The following PCDH9 variants were observed in gnomAD, a reference collection of about 807,000 sequenced individuals.
PCDH9 encodes the protein protocadherin-9.
A neutral mutation model predicts 70.6 loss-of-function variants in PCDH9; 24 were observed. The observed-to-expected ratio is 0.34, with a 90% CI of 0.25 to 0.48. PCDH9 has a LOEUF of 0.48. Ranked by LOEUF, PCDH9 falls within the 20% of genes least tolerant of loss-of-function variation. The probability of loss-of-function intolerance (pLI) is 0.99; values close to 1 mark genes in which losing one functional copy is unlikely to be tolerated. For synonymous variants in PCDH9, 562 were observed against 558.5 expected (o/e 1.01, Z -0.09); for missense variants, 1,281 against 1,503.6 (o/e 0.85, Z 2.45).
intron 4 of PCDH9, among the ~76,000 whole-genome samples, chr13:66,550,120 T>G (rs1961414227): frequency 6.6e-6 from 1 of 152,098 alleles, no homozygotes; most frequent in Non-Finnish European, 1.5e-5. Flanking sequence ...ACAGATAACT[T>G]TAACTCTTTA....
chr13:66,593,149 A>AT (rs777931364), intron 4 of PCDH9, among the ~76,000 whole-genome samples: 9 of 151,792 alleles, frequency 5.9e-5, no homozygotes, highest in Non-Finnish European at 1.0e-4. Context: ...TTCATGGTAC[A>AT]TTTTTGGTAT....
intron 4 of PCDH9, among the ~76,000 whole-genome samples, chr13:66,435,610 T>C (rs1957854322): frequency 6.6e-6 from 1 of 152,190 alleles, no homozygotes; most frequent in South Asian, 2.1e-4. Flanking sequence ...TTTAATATTA[T>C]ACAGCAAAGC....
At chr13:67,066,599 G>A in intron 2 of PCDH9, among the ~76,000 whole-genome samples, 1 of 152,110 alleles carries the variant, frequency 6.6e-6, no homozygotes, top group Admixed American at 6.6e-5. Flanking sequence ...GCCAGATATG[G>A]AGAAACCTTC....
intron 4 of PCDH9, among the ~76,000 whole-genome samples, chr13:66,556,469 A>G (rs1413041272): frequency 3.3e-5 from 5 of 152,192 alleles, no homozygotes; most frequent in Non-Finnish European, 7.3e-5. Context: ...TGAAAATGAT[A>G]TATCACATTC....
chr13:66,848,860 G>A (rs1167538974), intron 3 of PCDH9, among the ~76,000 whole-genome samples: 3 of 150,190 alleles, frequency 2.0e-5, no homozygotes, highest in Admixed American at 6.6e-5. Flanking sequence ...CCCCGGAGGC[G>A]GAGCTTGCAG....
chr13:67,048,687 G>A (rs539523393), intron 2 of PCDH9, among the ~76,000 whole-genome samples: 1 of 152,230 alleles, frequency 6.6e-6, no homozygotes, highest in African/African-American at 2.4e-5. Flanking sequence ...AAGCTATTTG[G>A]CTTTAATTAA....
intron 3 of PCDH9, among the ~76,000 whole-genome samples, chr13:66,769,329 C>T (rs763121346): frequency 6.6e-6 from 1 of 152,152 alleles, no homozygotes; most frequent in Non-Finnish European, 1.5e-5. Flanking sequence ...AGTTTGATTA[C>T]ACCCATCATA....
Position 66,613,816 on chromosome 13 carries a change from G to A in PCDH9, c.3340+17394C>T, listed in dbSNP as rs905819566. On this transcript the variant is annotated intron_variant, in intron 4 of 4. Transcript: ENST00000377865. ...CACTGGGATCAAATACTTTTTTTAA[G>A]GGAAGGTAAAAGCTGTGGTATCTTT... Among the ~76,000 whole-genome samples the A allele has an allele frequency of 5.3e-5, 8 of 152,148 alleles. 1 individual carries two copies. Among genetic ancestry groups the A allele is most frequent in the Admixed American group, 1.3e-4 (2 of 15,270 alleles).
At chr13:66,757,152 T>A (rs966782345) in intron 3 of PCDH9, among the ~76,000 whole-genome samples, 1 of 152,138 alleles carries the variant, frequency 6.6e-6, no homozygotes, top group Non-Finnish European at 1.5e-5. Context: ...TGTGGTTGAT[T>A]TCTGAGCCAA....
intron 4 of PCDH9, among the ~76,000 whole-genome samples, chr13:66,503,730 C>T: frequency 6.6e-6 from 1 of 152,124 alleles, no homozygotes; most frequent in East Asian, 1.9e-4. Flanking sequence ...GCTTTTAGTT[C>T]AATGGCTGAT....
At chr13:67,118,914 G>T (rs8001394) in intron 2 of PCDH9, among the ~76,000 whole-genome samples, 9,894 of 152,078 alleles carry the variant, frequency 0.065, 353 homozygotes, top group African/African-American at 0.084. Context: ...TAGTTTATTT[G>T]CTCAGAAAAA....
At chr13:66,607,526 C>T (rs897395717) in intron 4 of PCDH9, among the ~76,000 whole-genome samples, 9 of 151,964 alleles carry the variant, frequency 5.9e-5, no homozygotes, top group Admixed American at 4.6e-4. Context: ...CCTTCTAGGG[C>T]AAAAATTACT....
intron 2 of PCDH9, among the ~76,000 whole-genome samples, chr13:67,087,087 TAAAAAAA>T (rs36017495): frequency 8.9e-5 from 11 of 123,764 alleles, no homozygotes; most frequent in Admixed American, 2.6e-4. Context: ...TGATGTTTTG[TAAAAAAA>T]AAAAAAAAAA....
chr13:67,068,927 G>GT (rs2138148262), intron 2 of PCDH9, among the ~76,000 whole-genome samples: 1 of 152,260 alleles, frequency 6.6e-6, no homozygotes, highest in Admixed American at 6.5e-5. Flanking sequence ...AATACAAAAT[G>GT]TAAGTCTCTG....
At chr13:66,357,948 C>CA (rs11391499) in intron 4 of PCDH9, among the ~76,000 whole-genome samples, 141,491 of 151,784 alleles carry the variant, frequency 0.93, 66,609 homozygotes, top group Non-Finnish European at 1. Context: ...AGAAAGCGCA[C>CA]AGAATTTTAA....
chr13:66,699,514 T>C (rs2078609199), intron 3 of PCDH9, among the ~76,000 whole-genome samples: 1 of 151,982 alleles, frequency 6.6e-6, no homozygotes, highest in Admixed American at 6.6e-5. Context: ...AAGACACACA[T>C]AGAGGAGACA....
chr13:66,863,861 TATAAATTA>T (rs2081526036), intron 3 of PCDH9, among the ~76,000 whole-genome samples: 1 of 152,140 alleles, frequency 6.6e-6, no homozygotes, highest in African/African-American at 2.4e-5. Context: ...GCTGCTCGTT[TATAAATTA>T]CCCGAGACAG....
At chr13:66,547,448 C>T (rs1961259324) in intron 4 of PCDH9, among the ~76,000 whole-genome samples, 1 of 152,138 alleles carries the variant, frequency 6.6e-6, no homozygotes, top group South Asian at 2.1e-4. Flanking sequence ...TTCTAGTAAC[C>T]ATTGTCATAC....
chr13:67,117,924 A>G (rs1240506217), intron 2 of PCDH9, among the ~76,000 whole-genome samples: 1 of 152,146 alleles, frequency 6.6e-6, no homozygotes, highest in East Asian at 1.9e-4. Flanking sequence ...TCCAGGAGAA[A>G]TGTGGGCAAG....
Sources: allele counts gnomAD v4.1 joint callset (sites outside exome capture counted in the v4.1 genomes callset), GRCh38; gene constraint gnomAD v4.1.1; transcripts MANE v1.5; gene names NCBI Gene and HGNC (gene_info 2026-07-23, HGNC 2026-07-21).